The following PRDM16 variants were observed in gnomAD, a reference collection of about 807,000 sequenced individuals.
PRDM16 encodes the protein histone-lysine N-methyltransferase PRDM16.
In PRDM16, 23 loss-of-function variants were observed where a neutral mutation model predicts 110.6. The observed-to-expected ratio is 0.21, with a 90% CI of 0.15 to 0.29. The LOEUF (loss-of-function observed/expected upper bound fraction) is 0.29. Ranked by LOEUF, PRDM16 falls within the 10% of genes least tolerant of loss-of-function variation. The pLI is 1.00. For missense variants in PRDM16, 1,615 were observed against 1,794.3 expected, an observed-to-expected ratio of 0.90 and a Z score of 1.81; for synonymous variants, 799 against 781.8, an observed-to-expected ratio of 1.02 and a Z score of -0.37.
At chr1:3,332,205 G>A (rs989008618) in intron 3 of PRDM16, among the ~76,000 whole-genome samples, 8 of 152,268 alleles carry the variant, frequency 5.3e-5, no homozygotes, top group Admixed American at 3.9e-4. Context: ...TGGGAGGTGC[G>A]TGCACTGGGA....
chr1:3,367,444 T>G (rs1642836403), intron 3 of PRDM16, among the ~76,000 whole-genome samples: 1 of 152,226 alleles, frequency 6.6e-6, no homozygotes, highest in Admixed American at 6.5e-5. Context: ...TCAAGCTCTT[T>G]GCTGTGGTTG....
rs555473958 is a variant in PRDM16, at chr1:3,093,752, C to T, written c.37+24456C>T. ...GAGTGGACAGCATGAGGCTAGCCTG[C>T]AGGAGCTCAGGGCAAACGCCCACTC... On this transcript the variant is annotated intron_variant, in intron 1 of 16. Transcript: ENST00000270722. Among the ~76,000 whole-genome samples the T allele has an allele frequency of 2.6e-5, 4 of 152,304 alleles. No individual in the cohort carries two copies. The South Asian group carries it at 6.2e-4, about 24-fold the overall frequency.
rs564831864 is a variant in PRDM16 at position 3,093,223 on chromosome 1, A to G, written c.37+23927A>G. Among the ~76,000 whole-genome samples the G allele has an allele frequency of 1.2e-4, 18 of 152,246 alleles. No individual in the cohort carries two copies. In the South Asian group the frequency reaches 1.7e-3, roughly 14 times the overall value. On this transcript the variant is annotated intron_variant, in intron 1 of 16. Coordinates refer to ENST00000270722, the MANE Select transcript of PRDM16 (RefSeq NM_022114.4). ...TGTCAGGAGAGCCCAGGCTACCCCT[A>G]TTTCAGAGGTAAAGCCCAGGCTAGC...
At chr1:3,385,765 C>T (rs1375482338) in intron 4 of PRDM16, among the ~76,000 whole-genome samples, 9 of 152,248 alleles carry the variant, frequency 5.9e-5, no homozygotes, top group African/African-American at 2.2e-4. Context: ...GCCTCCGGGG[C>T]CTCTGACCAG....
rs892366747 is a variant in PRDM16, at chr1:3,208,354, G to C, written c.387+21880G>C. ...TGTTTAGTGTGCCCGAGGCCACCCC[G>C]AGTGATGACGACGATTGAAAATGTC... is the stretch of plus-strand genomic sequence containing the variant. On this transcript the variant is annotated intron_variant, in intron 2 of 16. Transcript: ENST00000270722. This position sits in a 1 kb window ranked among gnomAD's most constrained non-coding sequence, Gnocchi z 6.1. 1 of 152,116 alleles carries C rather than the reference G, an allele frequency of 6.6e-6. No individual in the cohort carries two copies. Among genetic ancestry groups the C allele is most frequent in the African/African-American group, 2.4e-5 (1 of 41,418 alleles). 9.4% of individuals were successfully genotyped at this position (152,116 alleles called of 1,614,324 possible). A position where few individuals can be genotyped will look rare whatever the true frequency, so the allele number is the denominator to read the frequency against.
At chr1:3,269,672 A>T (rs1489633604) in intron 3 of PRDM16, among the ~76,000 whole-genome samples, 2 of 144,740 alleles carry the variant, frequency 1.4e-5, no homozygotes, top group African/African-American at 5.3e-5. Flanking sequence ...GGACAGTCCC[A>T]GAGTAGGACA....
intron 3 of PRDM16, among the ~76,000 whole-genome samples, chr1:3,367,094 G>C (rs58140344): frequency 0.16 from 24,435 of 152,116 alleles, 3,621 homozygotes; most frequent in African/African-American, 0.4. Flanking sequence ...ATGGTGAAAC[G>C]TCATCTCTAC....
intron 8 of PRDM16, among the ~76,000 whole-genome samples, chr1:3,409,102 T>C (rs1216129073): frequency 1.3e-5 from 2 of 148,454 alleles, no homozygotes; most frequent in Non-Finnish European, 3.0e-5. Flanking sequence ...TGTCTGTGAG[T>C]GCGAGTGTGG....
rs748154277 is a variant in PRDM16 at position 3,245,483 on chromosome 1, T to G, written c.438+1346T>G. Reference sequence around the variant, plus strand: ...ATGGAGACTTTTGCTGGGCCCGCAGTGACCCGCTGAAGGGCCTCCGGAAAC... The same window carrying G: ...ATGGAGACTTTTGCTGGGCCCGCAGGGACCCGCTGAAGGGCCTCCGGAAAC... On this transcript the variant is annotated intron_variant, in intron 3 of 16. Transcript: ENST00000270722. The surrounding 1 kb of genome is among the most constrained non-coding windows in gnomAD (Gnocchi z 4.7). 2.0e-5 allele frequency among the ~76,000 whole-genome samples: 3 copies of G among 152,132 alleles called. No homozygotes were observed. Among genetic ancestry groups the G allele is most frequent in the Admixed American group, 6.5e-5 (1 of 15,284 alleles).
chr1:3,158,792 G>A (rs1303688022), intron 1 of PRDM16, among the ~76,000 whole-genome samples: 1 of 46,756 alleles, frequency 2.1e-5, no homozygotes, highest in Non-Finnish European at 4.2e-5. Flanking sequence ...TTTTTTTTTT[G>A]AGACAGAGTC....
intron 3 of PRDM16, among the ~76,000 whole-genome samples, chr1:3,269,496 A>C (rs867545371): frequency 3.0e-4 from 45 of 149,808 alleles, no homozygotes; most frequent in African/African-American, 1.1e-3. Flanking sequence ...AGAGGAGGAC[A>C]GTCCAGGAGG....
At chr1:3,355,069 G>A (rs542156121) in intron 3 of PRDM16, among the ~76,000 whole-genome samples, 22 of 152,160 alleles carry the variant, frequency 1.4e-4, no homozygotes, top group Admixed American at 1.1e-3. Context: ...GCTGCCCTGA[G>A]ACCAGGCCTC....
At chr1:3,409,855 T>G (rs1569721096) in intron 8 of PRDM16, among the ~76,000 whole-genome samples, 1 of 85,674 alleles carries the variant, frequency 1.2e-5, no homozygotes, top group Admixed American at 1.0e-4. Context: ...TGGGTGTGTG[T>G]GTGGTGTTTG....
At chr1:3,304,935 C>T (rs1019968738) in intron 3 of PRDM16, among the ~76,000 whole-genome samples, 10 of 152,152 alleles carry the variant, frequency 6.6e-5, no homozygotes, top group Non-Finnish European at 1.3e-4. Context: ...GGACTGGGGG[C>T]CCATGTCCCT....
chr1:3,326,559 G>A (rs529167711), intron 3 of PRDM16, among the ~76,000 whole-genome samples: 3 of 152,104 alleles, frequency 2.0e-5, no homozygotes, highest in Non-Finnish European at 4.4e-5. Context: ...TGATGGCAGA[G>A]GTGACCCATC....
intron 3 of PRDM16, among the ~76,000 whole-genome samples, chr1:3,377,768 C>T (rs940771510): frequency 6.6e-6 from 1 of 152,178 alleles, no homozygotes. Flanking sequence ...CGTGTGGAGA[C>T]GTGGGCTGGG....
At chr1:3,105,288 C>T (rs78527218) in intron 1 of PRDM16, among the ~76,000 whole-genome samples, 1,576 of 152,330 alleles carry the variant, frequency 0.01, 17 homozygotes, top group African/African-American at 0.035. Flanking sequence ...GGCCTGGTCA[C>T]AGCTCTGACA....
At chr1:3,313,305 C>T (rs1300156169) in intron 3 of PRDM16, among the ~76,000 whole-genome samples, 1 of 152,224 alleles carries the variant, frequency 6.6e-6, no homozygotes, top group Non-Finnish European at 1.5e-5. Context: ...CACGATGAGT[C>T]AGCGCCGAGC....
At chr1:3,281,280 C>T (rs76328639) in intron 3 of PRDM16, among the ~76,000 whole-genome samples, 8 of 152,332 alleles carry the variant, frequency 5.3e-5, no homozygotes, top group East Asian at 1.9e-4. Context: ...GCTGCTGAGA[C>T]GCTCCCTTCC....
Sources: gnomAD v4.1 joint callset for allele counts (sites outside exome capture counted in the v4.1 genomes callset) on GRCh38, gnomAD v4.1.1 for gene constraint, Gnocchi (gnomAD v3.1) non-coding constraint, MANE v1.5 for transcripts, NCBI Gene and HGNC (gene_info 2026-07-23, HGNC 2026-07-21) for gene names.